DIP2C: variants seen among roughly 807,000 people sequenced by gnomAD.
DIP2C encodes disco-interacting protein 2 homolog C.
Under a neutral mutation model 192.4 loss-of-function variants are expected in DIP2C, and 33 were observed. The observed-to-expected ratio is 0.17, with a 90% CI of 0.13 to 0.23. DIP2C has a LOEUF of 0.23. Among genes scored for constraint, DIP2C ranks in the 10% least tolerant of loss-of-function variants. The pLI is 1.00. For missense variants in DIP2C, 1,537 were observed against 2,110.1 expected, an observed-to-expected ratio of 0.73 and a Z score of 5.32; for synonymous variants, 979 against 864.1, an observed-to-expected ratio of 1.13 and a Z score of -2.33.
At chr10:573,725 CTTTTT>C (rs926575980) in intron 1 of DIP2C, among the ~76,000 whole-genome samples, 18 of 151,828 alleles carry the variant, frequency 1.2e-4, no homozygotes, top group East Asian at 5.8e-4. Flanking sequence ...TTCCTCTTTT[CTTTTT>C]AAGTGATTAT....
chr10:605,863 C>A (rs1295234346), intron 1 of DIP2C, among the ~76,000 whole-genome samples: 6 of 152,178 alleles, frequency 3.9e-5, no homozygotes, highest in African/African-American at 1.4e-4. Flanking sequence ...CCAAAGAAAA[C>A]CGGGCAGAGA....
At chr10:557,280 A>G (rs1451008851) in intron 1 of DIP2C, among the ~76,000 whole-genome samples, 1 of 152,212 alleles carries the variant, frequency 6.6e-6, no homozygotes, top group Admixed American at 6.5e-5. Context: ...CTGAACCTAC[A>G]GATAGCCACA....
intron 4 of DIP2C, among the ~76,000 whole-genome samples, chr10:436,411 T>C (rs1589793421): frequency 6.6e-6 from 1 of 152,306 alleles, no homozygotes; most frequent in South Asian, 2.1e-4. Flanking sequence ...TGTGGATGGG[T>C]GGAGAGCTCC....
chr10:487,540 G>A (rs944592622), intron 1 of DIP2C, among the ~76,000 whole-genome samples: 11 of 144,238 alleles, frequency 7.6e-5, no homozygotes, highest in South Asian at 2.3e-4. Flanking sequence ...CAAATGACAC[G>A]GAACCCGCAT....
At chr10:465,496 C>G (rs1414080614) in intron 3 of DIP2C, among the ~76,000 whole-genome samples, 2 of 152,026 alleles carry the variant, frequency 1.3e-5, no homozygotes, top group Non-Finnish European at 2.9e-5. Flanking sequence ...GATGCCCTCT[C>G]TCACCACTCC....
At chr10:671,777 A>C (rs1830655583) in intron 1 of DIP2C, among the ~76,000 whole-genome samples, 1 of 140,986 alleles carries the variant, frequency 7.1e-6, no homozygotes, top group Admixed American at 7.0e-5. Context: ...GAAACGCCAC[A>C]GACGCACGGA....
chr10:452,961 T>C (rs908519738), intron 3 of DIP2C, among the ~76,000 whole-genome samples: 3 of 152,100 alleles, frequency 2.0e-5, no homozygotes, highest in Non-Finnish European at 4.4e-5. Context: ...GGGGGCAGTG[T>C]TGGATTAACA....
chr10:321,144 C>T (rs1956988731), intron 31 of DIP2C, among the ~76,000 whole-genome samples: 1 of 152,242 alleles, frequency 6.6e-6, no homozygotes, highest in Admixed American at 6.5e-5. Context: ...TAAAAACAAA[C>T]ACCCAATGTG....
intron 1 of DIP2C, among the ~76,000 whole-genome samples, chr10:536,853 T>C (rs963643347): frequency 6.6e-6 from 1 of 152,244 alleles, no homozygotes; most frequent in Admixed American, 6.5e-5. Context: ...ACCATCTTCT[T>C]GACCCCCCAG....
chr10:530,963 AC>A (rs987769658), intron 1 of DIP2C, among the ~76,000 whole-genome samples: 20 of 151,942 alleles, frequency 1.3e-4, no homozygotes, highest in Non-Finnish European at 7.4e-5. Context: ...CCGACCAGAC[AC>A]CCCACCCTGG....
intron 1 of DIP2C, among the ~76,000 whole-genome samples, chr10:510,151 T>C (rs981655979): frequency 1.3e-5 from 2 of 152,204 alleles, no homozygotes; most frequent in Non-Finnish European, 2.9e-5. Context: ...TGAAACTGAC[T>C]GAGTCCCTTC....
At chr10:632,111 G>A (rs2131888616) in intron 1 of DIP2C, among the ~76,000 whole-genome samples, 1 of 152,348 alleles carries the variant, frequency 6.6e-6, no homozygotes, top group Middle Eastern at 3.4e-3. Flanking sequence ...GAGACCATGT[G>A]ATTCTATAAA....
chr10:285,968 A>G (rs1036361532), intron 34 of DIP2C, among the ~76,000 whole-genome samples: 1 of 152,262 alleles, frequency 6.6e-6, no homozygotes, highest in African/African-American at 2.4e-5. Context: ...CGTGGAAAGC[A>G]AACTCAAGAG....
rs113903197 is a variant in DIP2C at position 347,708 on chromosome 10, C to T, written c.3231+933G>A. ...GCATAGCTCTCCCGGAAACCCCACA[C>T]GCACCCAACCCAGACACATCGCGCA... On this transcript the variant is annotated intron_variant, in intron 26 of 36. Coordinates refer to ENST00000280886, the MANE Select transcript of DIP2C (RefSeq NM_014974.3). 2.6e-3 allele frequency among the ~76,000 whole-genome samples: 317 copies of T among 122,744 alleles called. 17 individuals carry two copies. The highest frequency in any genetic ancestry group is 6.4e-3 in the African/African-American group (167 of 26,220). The allele number at this position is 122,744 out of a possible 152,430, so 80.5% of individuals were successfully genotyped here. A position where few individuals can be genotyped will look rare whatever the true frequency, so the allele number is the denominator to read the frequency against.
chr10:372,378 A>G (rs1589638086), intron 17 of DIP2C, among the ~76,000 whole-genome samples: 3 of 152,308 alleles, frequency 2.0e-5, no homozygotes, highest in African/African-American at 7.2e-5. Context: ...CCTGGCCAAG[A>G]TCCTCTTTTC....
chr10:631,504 A>G (rs1340047571), intron 1 of DIP2C, among the ~76,000 whole-genome samples: 3 of 152,190 alleles, frequency 2.0e-5, no homozygotes, highest in Non-Finnish European at 2.9e-5. Context: ...ACCTGGCGAC[A>G]GCGGATGATG....
intron 6 of DIP2C, 34 bp downstream of exon 6, chr10:419,031 C>T: frequency 6.2e-7 from 1 of 1,613,936 alleles, no homozygotes; most frequent in Middle Eastern, 1.7e-4. Flanking sequence ...AAACCGTTTA[C>T]CAGAAAAAAA....
At chr10:554,593 G>A (rs1237459977) in intron 1 of DIP2C, among the ~76,000 whole-genome samples, 2 of 152,220 alleles carry the variant, frequency 1.3e-5, no homozygotes, top group Admixed American at 6.5e-5. Context: ...AGACACAGAA[G>A]GGGCAAGACC....
intron 1 of DIP2C, among the ~76,000 whole-genome samples, chr10:623,134 A>G (rs1853975497): frequency 6.6e-6 from 1 of 152,148 alleles, no homozygotes; most frequent in South Asian, 2.1e-4. Flanking sequence ...GGCTGCACGG[A>G]GCACGCGTGT....
Sources: gnomAD v4.1 joint callset for allele counts (sites outside exome capture counted in the v4.1 genomes callset) on GRCh38, gnomAD v4.1.1 for gene constraint, MANE v1.5 for transcripts, NCBI Gene and HGNC (gene_info 2026-07-23, HGNC 2026-07-21) for gene names.